The following PKHD1 variants were observed in gnomAD, a reference collection of about 807,000 sequenced individuals.
The protein encoded by PKHD1 is fibrocystin.
In PKHD1, 291 loss-of-function variants were observed where a neutral mutation model predicts 412.0. The ratio of observed to expected loss-of-function variants is 0.71; its 90% CI spans 0.64 to 0.78. The LOEUF (loss-of-function observed/expected upper bound fraction) is 0.78. Ranked by LOEUF, PKHD1 falls within the 30% of genes least tolerant of loss-of-function variation. The pLI is 0.00. For synonymous variants in PKHD1, 1,777 were observed against 1,821.5 expected, an observed-to-expected ratio of 0.98 and a Z score of 0.62; for missense variants, 4,825 against 4,950.7, an observed-to-expected ratio of 0.97 and a Z score of 0.76.
intron 55 of PKHD1, among the ~76,000 whole-genome samples, chr6:51,768,306 C>T (rs900848799): frequency 1.3e-5 from 2 of 151,884 alleles, no homozygotes; most frequent in Non-Finnish European, 2.9e-5. Context: ...ATACATTAGA[C>T]CTGTGATTCA....
intron 59 of PKHD1, among the ~76,000 whole-genome samples, chr6:51,746,078 C>G (rs1223628888): frequency 6.6e-6 from 1 of 152,050 alleles, no homozygotes. Flanking sequence ...CTGTTTCTAA[C>G]TTTCTACTCT....
intron 35 of PKHD1, among the ~76,000 whole-genome samples, chr6:51,968,972 G>A (rs1159540113): frequency 6.6e-6 from 1 of 152,136 alleles, no homozygotes; most frequent in Non-Finnish European, 1.5e-5. Flanking sequence ...TGAATATGAT[G>A]GGCTATCACT....
rs993038430 is a variant in PKHD1, at chr6:51,617,747, C to T, written c.*1334G>A. Reference sequence around the variant, plus strand: ...GCCCCTTGATGCCCTGCAGACATAACAGCTGTCTGCCAGTACTTCTCATAG... The same window carrying T: ...GCCCCTTGATGCCCTGCAGACATAATAGCTGTCTGCCAGTACTTCTCATAG... On this transcript the variant is annotated 3_prime_UTR_variant, in exon 67 of 67. Transcript: ENST00000371117. 6.6e-6 allele frequency: 1 copy of T among 152,214 alleles called. No homozygotes were observed. Among genetic ancestry groups the T allele is most frequent in the African/African-American group, 2.4e-5 (1 of 41,460 alleles). 9.4% of individuals were successfully genotyped at this position (152,214 alleles called of 1,614,324 possible).
At chr6:52,013,342 T>G (rs1186541179) in intron 34 of PKHD1, among the ~76,000 whole-genome samples, 1 of 152,234 alleles carries the variant, frequency 6.6e-6, no homozygotes, top group African/African-American at 2.4e-5. Context: ...TTCTGTTAGC[T>G]TGGACTTTTT....
intron 65 of PKHD1, among the ~76,000 whole-genome samples, chr6:51,627,541 T>C (rs1382642710): frequency 1.3e-5 from 2 of 152,074 alleles, no homozygotes; most frequent in African/African-American, 4.8e-5. Flanking sequence ...GCTCATGTTA[T>C]ACTTCCGTAG....
intron 28 of PKHD1, among the ~76,000 whole-genome samples, chr6:52,035,348 T>G (rs1469038957): frequency 4.6e-5 from 7 of 152,212 alleles, no homozygotes; most frequent in African/African-American, 1.7e-4. Context: ...TTACTGACAG[T>G]ACAGACCAGA....
intron 55 of PKHD1, among the ~76,000 whole-genome samples, chr6:51,764,306 T>C (rs1301211196): frequency 6.7e-6 from 1 of 148,660 alleles, no homozygotes; most frequent in East Asian, 2.0e-4. Flanking sequence ...AAAAAACACA[T>C]GAAAAAATGC....
intron 52 of PKHD1, among the ~76,000 whole-genome samples, chr6:51,819,150 C>T (rs1230561740): frequency 6.6e-6 from 1 of 152,118 alleles, no homozygotes; most frequent in Non-Finnish European, 1.5e-5. Context: ...TTCCCTGAAT[C>T]CTCAGCATGA....
At chr6:51,695,455 AAGAGGAGGAAGAAGAAGAGGAAGG>A (rs1219403812) in intron 60 of PKHD1, among the ~76,000 whole-genome samples, 3 of 152,176 alleles carry the variant, frequency 2.0e-5, no homozygotes, top group Non-Finnish European at 4.4e-5. Flanking sequence ...GAAGAGGAAG[AAGAGGAGGAAGAAGAAGAGGAAGG>A]AGAGGAGGAA....
At chr6:52,078,258 C>T (rs532292159) in intron 5 of PKHD1, among the ~76,000 whole-genome samples, 1 of 152,284 alleles carries the variant, frequency 6.6e-6, no homozygotes, top group South Asian at 2.1e-4. Context: ...AAACAGGCCC[C>T]TGGTCACCCA....
chr6:51,625,218 G>A (rs1767084618), intron 66 of PKHD1, among the ~76,000 whole-genome samples: 1 of 152,284 alleles, frequency 6.6e-6, no homozygotes, highest in South Asian at 2.1e-4. Flanking sequence ...AAGGCAAAGT[G>A]CTGGAGAGAG....
intron 60 of PKHD1, chr6:51,739,895 T>C (rs1784352276): frequency 2.1e-6 from 1 of 474,154 alleles, no homozygotes. Flanking sequence ...TGAACCGGGG[T>C]GTGAGGTTAT....
chr6:51,683,006 C>T (rs908156689), intron 60 of PKHD1, among the ~76,000 whole-genome samples: 7 of 151,984 alleles, frequency 4.6e-5, no homozygotes, highest in African/African-American at 1.7e-4. Flanking sequence ...TTTACCCAAA[C>T]AATCAGCTAA....
chr6:51,910,319 A>G (rs934259101), intron 39 of PKHD1, among the ~76,000 whole-genome samples: 1 of 152,136 alleles, frequency 6.6e-6, no homozygotes, highest in African/African-American at 2.4e-5. Context: ...AAGCACCAAT[A>G]ATATAAAACA....
At chr6:51,977,171 T>C (rs1198541306) in intron 35 of PKHD1, among the ~76,000 whole-genome samples, 1 of 152,170 alleles carries the variant, frequency 6.6e-6, no homozygotes, top group Non-Finnish European at 1.5e-5. Flanking sequence ...AGGTAAAGTG[T>C]CTTTCTCAAG....
intron 64 of PKHD1, among the ~76,000 whole-genome samples, chr6:51,636,618 A>G (rs969166716): frequency 1.3e-5 from 2 of 152,136 alleles, no homozygotes; most frequent in African/African-American, 4.8e-5. Context: ...CAACAATAAC[A>G]TAAAACAATG....
chr6:51,900,253 C>T, intron 43 of PKHD1, among the ~76,000 whole-genome samples: 1 of 152,212 alleles, frequency 6.6e-6, no homozygotes, highest in Non-Finnish European at 1.5e-5. Flanking sequence ...AGGCATCACC[C>T]TACCTGACTT....
At position 51,984,532 on chromosome 6, in the gene PKHD1, G is replaced by T. The variant is rs559184618; in HGVS notation, c.5752-24506C>A. Reference sequence around the variant, plus strand: ...TAAAACAAAGAGGGAGCATTATTTTGAATCTCATGCCACAGTCCTAAGAAC... The same window carrying T: ...TAAAACAAAGAGGGAGCATTATTTTTAATCTCATGCCACAGTCCTAAGAAC... On this transcript the variant is annotated intron_variant, in intron 35 of 66. Transcript: ENST00000371117. Among the ~76,000 whole-genome samples, 9 of 152,324 alleles carry T rather than the reference G, an allele frequency of 5.9e-5. No homozygotes were observed. In the South Asian group the frequency reaches 1.2e-3, roughly 21 times the overall value.
intron 35 of PKHD1, among the ~76,000 whole-genome samples, chr6:51,978,840 T>G (rs1794782646): frequency 6.6e-6 from 1 of 152,194 alleles, no homozygotes; most frequent in Non-Finnish European, 1.5e-5. Flanking sequence ...AATCTGTATC[T>G]CAAACTCTGA....
Sources: allele counts gnomAD v4.1 joint callset (sites outside exome capture counted in the v4.1 genomes callset), GRCh38; gene constraint gnomAD v4.1.1; transcripts MANE v1.5; gene names NCBI Gene and HGNC (gene_info 2026-07-23, HGNC 2026-07-21).